The following ARFGEF2 variants were observed in gnomAD, a reference collection of about 807,000 sequenced individuals.
ARFGEF2 encodes the protein brefeldin A-inhibited guanine nucleotide-exchange protein 2.
Under a neutral mutation model 219.9 loss-of-function variants are expected in ARFGEF2, and 74 were observed. The observed-to-expected ratio is 0.34, with a 90% CI of 0.28 to 0.41. ARFGEF2 has a LOEUF of 0.41. Ranked by LOEUF, ARFGEF2 falls within the 10% of genes least tolerant of loss-of-function variation. ARFGEF2 has a pLI of 1.00. For synonymous variants in ARFGEF2, 733 were observed against 799.2 expected, an observed-to-expected ratio of 0.92 and a Z score of 1.40; for missense variants, 1,743 against 2,218.3, an observed-to-expected ratio of 0.79 and a Z score of 4.30.
rs1486971422 is a variant in ARFGEF2, at chr20:48,991,137, T to C, written c.2912T>C (p.Ile971Thr). 6.2e-7 allele frequency: 1 copy of C among 1,614,184 alleles called. No individual in the cohort carries two copies. Among genetic ancestry groups the C allele is most frequent in the Admixed American group, 1.7e-5 (1 of 60,012 alleles). ...TEMKQKNIDT[I>T]KTLITVAHTD... ...ATGAAGCAGAAAAACATCGACACCA[T>C]TAAGACGCTTATCACAGTGGCTCAC... Residue 971 changes from isoleucine (I) to threonine (T), a missense_variant, in exon 21 of 39, where the codon ATT (isoleucine) becomes ACT (threonine). Physicochemically the swap from Ile to Thr is moderately conservative, Grantham distance 89. Transcript: ENST00000371917.
intron 15 of ARFGEF2, 140 bp downstream of exon 15, chr20:48,984,980 C>T (rs558241134): frequency 3.4e-6 from 5 of 1,476,308 alleles, no homozygotes; most frequent in Admixed American, 2.0e-5. Context: ...CTATTGTCCA[C>T]CCCCGGGTTA....
intron 5 of ARFGEF2, among the ~76,000 whole-genome samples, 180 bp from the exon 6 acceptor site, chr20:48,953,376 A>C (rs985818312): frequency 2.0e-5 from 3 of 151,838 alleles, no homozygotes; most frequent in Non-Finnish European, 4.4e-5. Context: ...GAGTTTCACC[A>C]TGTTGCCCAG....
rs1433096320 is a variant in ARFGEF2, at chr20:48,951,449, G to A, written c.403G>A (p.Val135Ile). The part of the protein sequence containing the change: ...CFQGPQTDEG[V>I]QLQIIKALLT... ...TCAGGGCCCTCAGACTGATGAAGGG[G>A]TTCAGTTACAAATAATTAAGGTATG... The change falls in exon 4 of 39, where the codon GTT (valine) becomes ATT (isoleucine). Residue 135 changes from valine (V) to isoleucine (I), a missense_variant. By Grantham distance (29) the Val-to-Ile change is conservative. Around this residue, in one of 5 missense-constraint regions of ARFGEF2, gnomAD observed 394 missense variants for 426.6 expected, o/e 0.92. Transcript: ENST00000371917. The A allele has an allele frequency of 6.2e-7, 1 of 1,614,188 alleles. No individual in the cohort carries two copies.
At chr20:48,929,438 G>A (rs2123274673) in intron 1 of ARFGEF2, among the ~76,000 whole-genome samples, 1 of 152,342 alleles carries the variant, frequency 6.6e-6, no homozygotes, top group African/African-American at 2.4e-5. Context: ...TTATTTGGGT[G>A]TCACCCCTGG....
intron 36 of ARFGEF2, among the ~76,000 whole-genome samples, chr20:49,027,288 C>T (rs920117396): frequency 2.0e-5 from 3 of 152,132 alleles, no homozygotes; most frequent in Non-Finnish European, 4.4e-5. Context: ...CTGCCTTGGC[C>T]TCCCAAAGTG....
chr20:48,986,701 T>C (rs1283992090), intron 16 of ARFGEF2, among the ~76,000 whole-genome samples: 1 of 151,972 alleles, frequency 6.6e-6, no homozygotes, highest in East Asian at 1.9e-4. Context: ...AATTGTTCAG[T>C]GGAAACTATT....
intron 25 of ARFGEF2, among the ~76,000 whole-genome samples, chr20:48,999,467 G>A (rs2091411431): frequency 6.6e-6 from 1 of 152,068 alleles, no homozygotes; most frequent in Non-Finnish European, 1.5e-5. Flanking sequence ...AAATGTATGT[G>A]GCCGGGCGTC....
intron 18 of ARFGEF2, 123 bp from the exon 19 acceptor site, chr20:48,989,162 T>C (rs1242922159): frequency 1.8e-6 from 2 of 1,105,890 alleles, no homozygotes; most frequent in Non-Finnish European, 2.7e-6. Flanking sequence ...ATATTTGTAA[T>C]GGACTCACGA....
intron 37 of ARFGEF2, among the ~76,000 whole-genome samples, chr20:49,029,708 C>T (rs555996682): frequency 9.2e-5 from 14 of 151,702 alleles, no homozygotes; most frequent in Admixed American, 2.6e-4. Flanking sequence ...TCTCCTGCCT[C>T]GGCCTCCTGA....
At position 49,011,976 on chromosome 20, in the gene ARFGEF2, T is replaced by C. The variant is rs960526926; in HGVS notation, c.3810T>C (p.Ala1270=). 5 of 1,614,116 alleles carry C rather than the reference T, an allele frequency of 3.1e-6. No homozygotes were observed. The African/African-American group carries it at 5.3e-5, about 17-fold the overall frequency. ...FPAAIDSFQD[A]VKCLSEFACN... is the part of the protein sequence containing the mutation. The stretch of plus-strand genomic sequence containing the variant: ...CAGCCATCGATTCCTTTCAGGATGC[T>C]GTGAAGTGCTTATCAGAGTTCGCCT... The change falls in exon 28 of 39, where the codon GCT becomes GCC. Residue 1270 remains alanine (A), a synonymous_variant. Transcript: ENST00000371917.
chr20:49,014,212 C>T (rs1451813642), intron 30 of ARFGEF2, among the ~76,000 whole-genome samples: 1 of 151,982 alleles, frequency 6.6e-6, no homozygotes, highest in Non-Finnish European at 1.5e-5. Context: ...TCAGGCATTG[C>T]ACCTTCCAGT....
intron 26 of ARFGEF2, 91 bp from the exon 27 acceptor site, chr20:49,010,141 T>C: frequency 6.7e-7 from 1 of 1,487,008 alleles, no homozygotes; most frequent in Admixed American, 1.8e-5. Context: ...ATAAGAAATG[T>C]TTAAGTGCTG....
intron 26 of ARFGEF2, among the ~76,000 whole-genome samples, chr20:49,009,217 G>A (rs1216677093): frequency 1.3e-5 from 2 of 152,162 alleles, no homozygotes; most frequent in East Asian, 3.8e-4. Flanking sequence ...TTATCTGCAG[G>A]TGACATGTTT....
Position 48,974,303 on chromosome 20 carries a change from G to C in ARFGEF2, c.1666-463G>C, listed in dbSNP as rs566375135. Among the ~76,000 whole-genome samples, 12 of 151,374 alleles carry C rather than the reference G, an allele frequency of 7.9e-5. No individual in the cohort carries two copies. The East Asian group carries it at 2.3e-3, about 29-fold the overall frequency. On this transcript the variant is annotated intron_variant, in intron 12 of 38. Transcript: ENST00000371917. ...ACCACACCCGGCTGATTTGAGATGGGGTTTCACCATATTGTCCAGGCTGGT... is the reference window on the plus strand; with the variant it reads ...ACCACACCCGGCTGATTTGAGATGGCGTTTCACCATATTGTCCAGGCTGGT...
In ARFGEF2 at chr20:49,033,197, T is replaced by C; in HGVS notation, c.5356T>C (p.Ter1786GlnextTer28). The part of the protein sequence containing the change: ...QVPAALSPVW[*>Q] Reference sequence around the variant, plus strand: ...ACCAGCAGCACTGTCACCAGTGTGGTAGCCCTGGCTGCCCAGGCCAGTGCT... The same window carrying C: ...ACCAGCAGCACTGTCACCAGTGTGGCAGCCCTGGCTGCCCAGGCCAGTGCT... Residue 1786 changes from the stop codon to glutamine, a stop_lost, in exon 39 of 39, where the codon TAG becomes CAG. Coordinates refer to ENST00000371917, the MANE Select transcript of ARFGEF2 (RefSeq NM_006420.3). 6.2e-7 allele frequency: 1 copy of C among 1,614,190 alleles called. No homozygotes were observed. The highest frequency in any genetic ancestry group is 8.5e-7 in the Non-Finnish European group (1 of 1,180,006).
At position 48,976,122 on chromosome 20, in the gene ARFGEF2, G is replaced by T. The variant is rs2091259594; in HGVS notation, c.1881G>T (p.Gln627His). The T allele has an allele frequency of 1.9e-6, 3 of 1,613,806 alleles. No individual in the cohort carries two copies. In the South Asian group the frequency reaches 3.3e-5, roughly 18 times the overall value. ...SMESTVSSGTQTTVQDDPEQF... is the reference protein window; with the variant it reads ...SMESTVSSGTHTTVQDDPEQF... The stretch of plus-strand genomic sequence containing the variant: ...AGTCCACAGTGTCCTCGGGGACCCA[G>T]ACAACTGTTCAGGATGACCCTGAGC... The change falls in exon 14 of 39, where the codon CAG (glutamine) becomes CAT (histidine). Residue 627 changes from glutamine to histidine, a missense_variant. By Grantham distance (24) the Gln-to-His change is conservative. Coordinates refer to ENST00000371917, the MANE Select transcript of ARFGEF2 (RefSeq NM_006420.3).
intron 29 of ARFGEF2, 54 bp downstream of exon 29, chr20:49,013,748 A>G: frequency 6.2e-7 from 1 of 1,613,994 alleles, no homozygotes. Context: ...AACCTCAGTC[A>G]CTTGCTCACC....
chr20:49,000,902 A>C (rs1222558134), intron 25 of ARFGEF2, among the ~76,000 whole-genome samples: 2 of 152,154 alleles, frequency 1.3e-5, no homozygotes, highest in African/African-American at 4.8e-5. Context: ...TGTGTGTGCC[A>C]ATTCTCAGTA....
At chr20:49,011,143 G>A (rs902248418) in intron 27 of ARFGEF2, among the ~76,000 whole-genome samples, 1 of 152,178 alleles carries the variant, frequency 6.6e-6, no homozygotes, top group African/African-American at 2.4e-5. Context: ...ATGAGTTACA[G>A]TGCTATATTG....
Sources: allele counts gnomAD v4.1 joint callset (sites outside exome capture counted in the v4.1 genomes callset), GRCh38; gene constraint gnomAD v4.1.1; regional missense constraint gnomAD v4.1.1; transcripts MANE v1.5; gene names NCBI Gene and HGNC (gene_info 2026-07-23, HGNC 2026-07-21).